Variants in ARHGAP26 observed in about 807,000 individuals in gnomAD.
The protein encoded by ARHGAP26 is Rho GTPase activating protein 26.
ARHGAP26 carries 38 observed loss-of-function variants against 104.8 expected under a neutral mutation model. The ratio of observed to expected loss-of-function variants is 0.36; its 90% CI spans 0.28 to 0.48. The LOEUF (loss-of-function observed/expected upper bound fraction) is 0.48, where lower values mean the gene tolerates loss of function less well. ARHGAP26 is among the 20% of genes least tolerant of loss of function. The probability of loss-of-function intolerance (pLI) is 0.99; values close to 1 mark genes in which losing one functional copy is unlikely to be tolerated. For missense variants in ARHGAP26, 704 were observed against 947.9 expected (o/e 0.74, Z 3.38); for synonymous variants, 341 against 340.0 (o/e 1.00, Z -0.03).
At chr5:142,790,489 G>A (rs1759575735) in intron 1 of ARHGAP26, among the ~76,000 whole-genome samples, 1 of 152,126 alleles carries the variant, frequency 6.6e-6, no homozygotes, top group Non-Finnish European at 1.5e-5. Context: ...TACATGGCAG[G>A]CAGACCAATA....
intron 11 of ARHGAP26, among the ~76,000 whole-genome samples, chr5:142,962,323 C>A (rs1322406847): frequency 6.6e-6 from 1 of 152,158 alleles, no homozygotes; most frequent in Non-Finnish European, 1.5e-5. Flanking sequence ...CAGCCAGGAG[C>A]TGTCTTGAGT....
intron 11 of ARHGAP26, among the ~76,000 whole-genome samples, chr5:142,942,353 T>A (rs912150127): frequency 1.3e-5 from 2 of 152,246 alleles, no homozygotes; most frequent in Non-Finnish European, 2.9e-5. Context: ...AAAGAAAAAA[T>A]TATATAGAAA....
intron 1 of ARHGAP26, among the ~76,000 whole-genome samples, chr5:142,851,286 G>A (rs907508416): frequency 2.6e-5 from 4 of 151,968 alleles, no homozygotes; most frequent in Non-Finnish European, 4.4e-5. Context: ...TAGTAGAGAC[G>A]GGGTTTTTCC....
intron 19 of ARHGAP26, among the ~76,000 whole-genome samples, chr5:143,141,593 C>T (rs1798547237): frequency 6.6e-6 from 1 of 152,182 alleles, no homozygotes; most frequent in African/African-American, 2.4e-5. Flanking sequence ...ATCTCAAACC[C>T]ATTTTGCTGT....
intron 11 of ARHGAP26, among the ~76,000 whole-genome samples, chr5:142,974,775 T>C (rs1170559784): frequency 1.3e-5 from 2 of 152,204 alleles, no homozygotes; most frequent in African/African-American, 4.8e-5. Context: ...TTTGGAAAGA[T>C]TTTTTCCTCC....
At chr5:143,029,734 C>G (rs971684275) in intron 12 of ARHGAP26, among the ~76,000 whole-genome samples, 1 of 152,092 alleles carries the variant, frequency 6.6e-6, no homozygotes, top group African/African-American at 2.4e-5. Flanking sequence ...TTATGCATAA[C>G]CTACAGTGCT....
chr5:143,171,985 C>A lies in ARHGAP26; in HGVS notation c.1988+24604C>A, dbSNP rs1802840548. On this transcript the variant is annotated intron_variant, in intron 20 of 22. Coordinates refer to ENST00000645722, the MANE Select transcript of ARHGAP26 (RefSeq NM_001135608.3). Reference sequence around the variant, plus strand: ...GTCCCCTTAAGGGTTAGACTGGTTTCAATAGATTTATTAAGTGATGACTTT... The same window carrying A: ...GTCCCCTTAAGGGTTAGACTGGTTTAAATAGATTTATTAAGTGATGACTTT... Among the ~76,000 whole-genome samples the A allele has an allele frequency of 3.3e-5, 5 of 152,206 alleles. No individual in the cohort carries two copies. In the South Asian group the frequency reaches 1.0e-3, roughly 32 times the overall value.
chr5:142,961,832 T>G (rs1770305895), intron 11 of ARHGAP26, among the ~76,000 whole-genome samples: 1 of 152,238 alleles, frequency 6.6e-6, no homozygotes, highest in Non-Finnish European at 1.5e-5. Flanking sequence ...CCATTTGAAG[T>G]GTTTTTTAGT....
intron 8 of ARHGAP26, 30 bp downstream of exon 8, chr5:142,903,699 A>G: frequency 6.2e-7 from 1 of 1,610,734 alleles, no homozygotes. Context: ...ACAGCTTGGG[A>G]TGTACTCAGG....
chr5:142,903,404 G>A (rs1760657425), intron 7 of ARHGAP26, 136 bp from the exon 8 acceptor site: 1 of 851,898 alleles, frequency 1.2e-6, no homozygotes, highest in Admixed American at 2.8e-5. Flanking sequence ...CTTGTCATAA[G>A]GGAGTATTTG....
chr5:142,936,758 G>T (rs1413269548), intron 11 of ARHGAP26, among the ~76,000 whole-genome samples: 1 of 151,580 alleles, frequency 6.6e-6, no homozygotes, highest in Admixed American at 6.6e-5. Context: ...AGGTGCAAAA[G>T]CAGTTCAATG....
chr5:142,814,781 A>G (rs1764772076), intron 1 of ARHGAP26, among the ~76,000 whole-genome samples: 1 of 152,168 alleles, frequency 6.6e-6, no homozygotes, highest in Admixed American at 6.5e-5. Context: ...CAGTTTCCCT[A>G]TCTGTAAGAT....
intron 20 of ARHGAP26, among the ~76,000 whole-genome samples, chr5:143,187,187 A>G (rs778023158): frequency 2.6e-5 from 4 of 152,220 alleles, no homozygotes; most frequent in Non-Finnish European, 5.9e-5. Flanking sequence ...TAAGTTGCCC[A>G]GGGTGACACA....
chr5:143,007,751 G>A (rs888587404), intron 11 of ARHGAP26, among the ~76,000 whole-genome samples: 3 of 152,194 alleles, frequency 2.0e-5, no homozygotes, highest in East Asian at 1.9e-4. Context: ...TCGTTTAAAC[G>A]CTTAGTATGG....
chr5:142,951,311 C>T (rs1249816726), intron 11 of ARHGAP26, among the ~76,000 whole-genome samples: 1 of 152,180 alleles, frequency 6.6e-6, no homozygotes, highest in African/African-American at 2.4e-5. Flanking sequence ...CCGCCCGCCT[C>T]GACCTCCCAA....
intron 19 of ARHGAP26, among the ~76,000 whole-genome samples, chr5:143,138,824 T>G (rs1375505380): frequency 1.3e-5 from 2 of 152,234 alleles, no homozygotes; most frequent in African/African-American, 4.8e-5. Context: ...ACAGGTACTG[T>G]CCCTGTTTTA....
intron 4 of ARHGAP26, among the ~76,000 whole-genome samples, chr5:142,882,526 T>A (rs1401873158): frequency 6.6e-6 from 1 of 152,196 alleles, no homozygotes; most frequent in Non-Finnish European, 1.5e-5. Context: ...GTGAAAGACA[T>A]CAGACAAAAA....
chr5:143,137,477 A>G (rs1457537967), intron 19 of ARHGAP26, among the ~76,000 whole-genome samples: 1 of 152,300 alleles, frequency 6.6e-6, no homozygotes, highest in East Asian at 1.9e-4. Context: ...GGTTCTTGCC[A>G]CAGAGCAGAT....
intron 1 of ARHGAP26, among the ~76,000 whole-genome samples, chr5:142,849,612 G>T (rs1020838167): frequency 6.6e-6 from 1 of 152,102 alleles, no homozygotes; most frequent in Non-Finnish European, 1.5e-5. Context: ...CCAACCAGAA[G>T]GTCTGCCTCT....
Sources: allele counts gnomAD v4.1 joint callset (sites outside exome capture counted in the v4.1 genomes callset), GRCh38; gene constraint gnomAD v4.1.1; transcripts MANE v1.5; gene names NCBI Gene and HGNC (gene_info 2026-07-23, HGNC 2026-07-21).